PNKD: variants seen among roughly 807,000 people sequenced by gnomAD.
PNKD encodes the protein PNKD metallo-beta-lactamase domain containing.
PNKD carries 36 observed loss-of-function variants against 45.3 expected under a neutral mutation model. The ratio of observed to expected loss-of-function variants is 0.80; its 90% CI spans 0.61 to 1.05. The LOEUF is 1.05. Among genes scored for constraint, PNKD ranks in the 50% least tolerant of loss-of-function variants. The pLI, the probability that PNKD is intolerant of heterozygous loss-of-function variation, is 0.00. For synonymous variants in PNKD, 197 were observed against 210.1 expected, an observed-to-expected ratio of 0.94 and a Z score of 0.54; for missense variants, 511 against 506.6, an observed-to-expected ratio of 1.01 and a Z score of -0.08.
chr2:218,310,360 T>A (rs974275931), intron 2 of PNKD, among the ~76,000 whole-genome samples: 1 of 150,972 alleles, frequency 6.6e-6, no homozygotes, highest in African/African-American at 2.4e-5. Flanking sequence ...GTAGCTGGGA[T>A]TACAGGCACC....
At chr2:218,333,569 C>A (rs1395234056) in intron 2 of PNKD, among the ~76,000 whole-genome samples, 1 of 152,174 alleles carries the variant, frequency 6.6e-6, no homozygotes, top group Non-Finnish European at 1.5e-5. Flanking sequence ...TTCACACAGT[C>A]CTTCGGGGTA....
intron 2 of PNKD, among the ~76,000 whole-genome samples, chr2:218,314,725 T>G (rs1431248704): frequency 6.6e-6 from 1 of 152,084 alleles, no homozygotes; most frequent in Admixed American, 6.6e-5. Context: ...AGTCTCACTC[T>G]GTCGCCCAGG....
Position 218,343,494 on chromosome 2 carries a change from A to C in PNKD, c.782-6A>C. 1 of 1,611,406 alleles carries C rather than the reference A, an allele frequency of 6.2e-7. No homozygotes were observed. The highest frequency in any genetic ancestry group is 8.5e-7 in the Non-Finnish European group (1 of 1,178,196). ...CCTTGTGACATACCCTCCAACCCCC[A>C]CCCAGGGCGGACCTTTGAGGGCAAT... On this transcript the variant is annotated splice_polypyrimidine_tract_variant and splice_region_variant and intron_variant, in intron 7 of 9. Transcript: ENST00000273077.
At chr2:218,314,451 G>A (rs1270163221) in intron 2 of PNKD, among the ~76,000 whole-genome samples, 3 of 151,696 alleles carry the variant, frequency 2.0e-5, no homozygotes, top group Admixed American at 2.0e-4. Flanking sequence ...TGGAACTCCT[G>A]GGCTCAAGCG....
chr2:218,318,958 T>TTTC (rs1229206909), intron 2 of PNKD, among the ~76,000 whole-genome samples: 8 of 137,106 alleles, frequency 5.8e-5, no homozygotes, highest in Non-Finnish European at 9.4e-5. Context: ...TTCTTTTTTT[T>TTTC]TTTTTTTTTT....
chr2:218,298,399 C>A (rs1162481125), intron 2 of PNKD, among the ~76,000 whole-genome samples: 1 of 152,136 alleles, frequency 6.6e-6, no homozygotes, highest in East Asian at 1.9e-4. Flanking sequence ...GATAGACAGT[C>A]CTGGGTTTGA....
Position 218,344,899 on chromosome 2 carries a change from G to A in PNKD, c.1076G>A (p.Gly359Asp). Residue 359 changes from glycine to aspartate, a missense_variant, in exon 10 of 10, where the codon GGC (glycine) becomes GAC (aspartate). Transcript: ENST00000273077. ...CAGGAGGCTCTGGGGCCGGGGCCGG[G>A]CCCCACTGGGGATGATGACTACTCC... Reference protein sequence around the residue: ...ALQEALGPGPGPTGDDDYSRA... With the variant: ...ALQEALGPGPDPTGDDDYSRA... 2.5e-6 allele frequency: 4 copies of A among 1,614,004 alleles called. No homozygotes were observed. The highest frequency in any genetic ancestry group is 1.1e-5 in the South Asian group (1 of 91,076).
chr2:218,323,813 G>A (rs1694065359), intron 2 of PNKD, among the ~76,000 whole-genome samples: 2 of 152,124 alleles, frequency 1.3e-5, no homozygotes, highest in Admixed American at 1.3e-4. Flanking sequence ...GCAGATGCCC[G>A]GGCTCCGATG....
Position 218,294,950 on chromosome 2 carries a change from A to G in PNKD, c.236+23401A>G, listed in dbSNP as rs143258857. Among the ~76,000 whole-genome samples, 60 of 152,286 alleles carry G rather than the reference A, an allele frequency of 3.9e-4. 2 individuals are homozygous for G. The South Asian group carries it at 6.8e-3, about 17-fold the overall frequency. On this transcript the variant is annotated intron_variant, in intron 2 of 9. Coordinates refer to ENST00000273077, the MANE Select transcript of PNKD (RefSeq NM_015488.5). ...ACCATAGCAGGCCCCTTCTCCAGAA[A>G]ACACCCTCCACTTTCTAGAACCACC...
rs1373479548 is a variant in PNKD, at chr2:218,275,925, C to T, written c.236+4376C>T. ...AGTGAGAGGAATGGCCTGCTATGGC[C>T]CCATTCCCTGCCTCCCAGGCAGTCT... On this transcript the variant is annotated intron_variant, in intron 2 of 9. Coordinates refer to ENST00000273077, the MANE Select transcript of PNKD (RefSeq NM_015488.5). The T allele has an allele frequency of 3.7e-6, 5 of 1,364,482 alleles. No individual in the cohort carries two copies. In the African/African-American group the frequency reaches 5.8e-5, roughly 16 times the overall value. The allele number at this position is 1,364,482 out of a possible 1,614,324, so 84.5% of individuals were successfully genotyped here.
chr2:218,334,664 G>A (rs1299706317), intron 2 of PNKD: 1 of 701,730 alleles, frequency 1.4e-6, no homozygotes, highest in Non-Finnish European at 2.6e-6. Context: ...AAGAATTATA[G>A]ATTTGCATTT....
chr2:218,323,199 G>A (rs909818360), intron 2 of PNKD: 15 of 1,390,596 alleles, frequency 1.1e-5, no homozygotes, highest in East Asian at 3.1e-5. Context: ...GTTCCCCGCG[G>A]GGGGCCGGGG....
intron 7 of PNKD, among the ~76,000 whole-genome samples, chr2:218,342,573 G>A (rs529992308): frequency 6.6e-6 from 1 of 151,610 alleles, no homozygotes; most frequent in African/African-American, 2.4e-5. Context: ...GGTGGTGCAT[G>A]CCTGTAATCC....
intron 2 of PNKD, chr2:218,323,246 C>A: frequency 6.8e-7 from 1 of 1,467,754 alleles, no homozygotes; most frequent in South Asian, 1.3e-5. Flanking sequence ...CCCCGCCCGG[C>A]CGGCGCGTGC....
chr2:218,344,739 G>C, intron 9 of PNKD, 69 bp from the exon 10 acceptor site: 1 of 1,535,492 alleles, frequency 6.5e-7, no homozygotes, highest in Non-Finnish European at 9.0e-7. Context: ...CAGGGGTCGG[G>C]TCAGGCTTCT....
Position 218,271,428 on chromosome 2 carries a change from C to G in PNKD, c.115C>G (p.Arg39Gly). The change falls in exon 2 of 10, where the codon CGG becomes GGG. Residue 39 changes from arginine to glycine, a missense_variant. Physicochemically the swap from Arg to Gly is moderately radical, Grantham distance 125. Coordinates refer to ENST00000273077, the MANE Select transcript of PNKD (RefSeq NM_015488.5). ...TAACAAGGCTTCTCATAACAGGACC[C>G]GGGCCCTGCAAAGCCACAGCTCCCC... is the stretch of plus-strand genomic sequence containing the variant. ...TANKASHNRT[R>G]ALQSHSSPEG... 6.2e-7 allele frequency: 1 copy of G among 1,614,062 alleles called. No individual in the cohort carries two copies. Among genetic ancestry groups the G allele is most frequent in the East Asian group, 2.2e-5 (1 of 44,890 alleles).
intron 2 of PNKD, among the ~76,000 whole-genome samples, chr2:218,299,056 C>G (rs1316653602): frequency 2.6e-5 from 4 of 152,206 alleles, no homozygotes; most frequent in Non-Finnish European, 4.4e-5. Flanking sequence ...TTTGACAATT[C>G]TGTGACCATA....
intron 2 of PNKD, chr2:218,278,625 C>A: frequency 6.3e-7 from 1 of 1,585,538 alleles, no homozygotes; most frequent in South Asian, 1.1e-5. Context: ...TGGCAGCACA[C>A]ACCAGGCCAG....
intron 2 of PNKD, among the ~76,000 whole-genome samples, chr2:218,300,608 C>T (rs900544515): frequency 2.0e-5 from 3 of 149,016 alleles, no homozygotes; most frequent in African/African-American, 5.0e-5. Flanking sequence ...TGCAGTGGTG[C>T]GATCTCAGCT....
Sources: gnomAD v4.1 joint callset for allele counts (sites outside exome capture counted in the v4.1 genomes callset) on GRCh38, gnomAD v4.1.1 for gene constraint, MANE v1.5 for transcripts, NCBI Gene and HGNC (gene_info 2026-07-23, HGNC 2026-07-21) for gene names.